ERC2: variants seen among roughly 807,000 people sequenced by gnomAD.
ERC2 encodes the protein ELKS/RAB6-interacting/CAST family member 2.
In ERC2, 42 loss-of-function variants were observed where a neutral mutation model predicts 114.8. The observed-to-expected ratio is 0.37, with a 90% CI of 0.29 to 0.47. The LOEUF is 0.47. ERC2 is among the 20% of genes least tolerant of loss of function. ERC2 has a pLI of 0.99. For synonymous variants in ERC2, 454 were observed against 425.5 expected (o/e 1.07, Z -0.82); for missense variants, 939 against 1,150.7 (o/e 0.82, Z 2.66).
intron 17 of ERC2, among the ~76,000 whole-genome samples, chr3:55,661,014 G>A (rs1304124202): frequency 1.3e-5 from 2 of 152,220 alleles, no homozygotes; most frequent in African/African-American, 2.4e-5. Flanking sequence ...CCCTGCTCCA[G>A]TTGCTAGAAA....
chr3:55,561,582 C>T (rs1382356547), intron 17 of ERC2, among the ~76,000 whole-genome samples: 2 of 152,186 alleles, frequency 1.3e-5, no homozygotes, highest in Non-Finnish European at 2.9e-5. Context: ...AAATTCTCTG[C>T]CCCTAATTTT....
At chr3:56,284,790 A>G (rs2054567408) in intron 3 of ERC2, among the ~76,000 whole-genome samples, 1 of 151,976 alleles carries the variant, frequency 6.6e-6, no homozygotes, top group Admixed American at 6.6e-5. Flanking sequence ...CAAAGTCCCA[A>G]TCTTCCCATG....
intron 7 of ERC2, among the ~76,000 whole-genome samples, chr3:56,076,411 T>A (rs536200117): frequency 2.0e-5 from 3 of 147,550 alleles, no homozygotes; most frequent in Non-Finnish European, 3.0e-5. Flanking sequence ...ACTTTCCAAA[T>A]GTACAATGTC....
intron 2 of ERC2, among the ~76,000 whole-genome samples, chr3:56,429,956 G>C (rs2061722512): frequency 6.6e-6 from 1 of 152,148 alleles, no homozygotes; most frequent in Non-Finnish European, 1.5e-5. Flanking sequence ...CCAAGAAACT[G>C]ATGAGCAGGA....
chr3:55,600,178 T>C (rs918361687), intron 17 of ERC2, among the ~76,000 whole-genome samples: 3 of 152,184 alleles, frequency 2.0e-5, no homozygotes, highest in African/African-American at 7.2e-5. Flanking sequence ...ATATGGGAAT[T>C]ACATAGTGAG....
In ERC2 at chr3:56,062,395, C is replaced by T. The variant is rs571458094; in HGVS notation, c.1641+18422G>A. Among the ~76,000 whole-genome samples, 7 of 152,192 alleles carry T rather than the reference C, an allele frequency of 4.6e-5. No homozygotes were observed. The South Asian group carries it at 1.5e-3, about 32-fold the overall frequency. ...AAACTTACACATTTAAAAGGCTTGG[C>T]CAATTACCATGTATCTATCTGCTCT... On this transcript the variant is annotated intron_variant, in intron 7 of 17. Transcript: ENST00000288221.
At chr3:56,242,942 G>A (rs13065887) in intron 3 of ERC2, among the ~76,000 whole-genome samples, 3 of 152,062 alleles carry the variant, frequency 2.0e-5, no homozygotes, top group Admixed American at 6.6e-5. Flanking sequence ...ATATACATAC[G>A]TTTCACACTT....
At chr3:55,842,757 A>G (rs2061189993) in intron 14 of ERC2, among the ~76,000 whole-genome samples, 1 of 152,132 alleles carries the variant, frequency 6.6e-6, no homozygotes, top group Non-Finnish European at 1.5e-5. Context: ...CAAGAAAGAT[A>G]TGGAAAGGAC....
intron 14 of ERC2, among the ~76,000 whole-genome samples, chr3:55,856,279 C>T (rs1019383140): frequency 2.0e-5 from 3 of 152,126 alleles, no homozygotes; most frequent in Admixed American, 6.6e-5. Context: ...CTTGAGTGAT[C>T]GATCTGCTAG....
intron 7 of ERC2, among the ~76,000 whole-genome samples, chr3:56,044,955 T>C (rs1057498490): frequency 1.3e-5 from 2 of 152,200 alleles, no homozygotes; most frequent in Admixed American, 6.5e-5. Flanking sequence ...CTAAATGTTC[T>C]GTCCCCTACA....
chr3:56,316,699 G>C (rs527612752), intron 2 of ERC2, among the ~76,000 whole-genome samples: 1 of 152,042 alleles, frequency 6.6e-6, no homozygotes, highest in South Asian at 2.1e-4. Flanking sequence ...ATTATGCTGG[G>C]GAAATCTCTT....
intron 2 of ERC2, among the ~76,000 whole-genome samples, chr3:56,384,997 T>G (rs998563887): frequency 2.6e-5 from 4 of 152,110 alleles, no homozygotes; most frequent in Non-Finnish European, 5.9e-5. Flanking sequence ...ATCATATATG[T>G]GACAGTTTAT....
Position 55,952,173 on chromosome 3 carries a change from ACACACACT to A in ERC2, c.2268-1621_2268-1614del, listed in dbSNP as rs1361931056. On this transcript the variant is annotated intron_variant, in intron 12 of 17. Coordinates refer to ENST00000288221, the MANE Select transcript of ERC2 (RefSeq NM_015576.3). ...CACACACACACACACACACACACAC[ACACACACT>A]CTCTCTCTCTCTCTCTCTATATATA... Among the ~76,000 whole-genome samples, 78 of 56,028 alleles carry A rather than the reference ACACACACT, an allele frequency of 1.4e-3. 1 individual carries two copies. The highest frequency in any genetic ancestry group is 3.6e-3 in the South Asian group (5 of 1,378). The allele number at this position is 56,028 out of a possible 152,430, so 36.8% of individuals were successfully genotyped here.
chr3:55,799,091 G>A (rs111941484), intron 14 of ERC2, among the ~76,000 whole-genome samples: 2 of 152,180 alleles, frequency 1.3e-5, no homozygotes, highest in African/African-American at 4.8e-5. Flanking sequence ...GGTCACAGTA[G>A]CAGGGCTAGT....
At chr3:56,238,318 A>G (rs1374597056) in intron 3 of ERC2, among the ~76,000 whole-genome samples, 1 of 152,218 alleles carries the variant, frequency 6.6e-6, no homozygotes, top group Non-Finnish European at 1.5e-5. Flanking sequence ...GATCCCCCAG[A>G]TAACTCTGTT....
At chr3:56,323,456 G>A (rs4974195) in intron 2 of ERC2, among the ~76,000 whole-genome samples, 6 of 152,194 alleles carry the variant, frequency 3.9e-5, no homozygotes, top group Admixed American at 2.0e-4. Flanking sequence ...GACAGAGGCC[G>A]TCTTAAACCT....
intron 17 of ERC2, among the ~76,000 whole-genome samples, chr3:55,637,139 C>T (rs1465432780): frequency 1.3e-5 from 2 of 152,220 alleles, no homozygotes; most frequent in African/African-American, 4.8e-5. Context: ...GAGGCCCTGA[C>T]AGGACAAAGG....
chr3:55,777,076 T>TTA (rs2068678319), intron 14 of ERC2, among the ~76,000 whole-genome samples: 1 of 149,536 alleles, frequency 6.7e-6, no homozygotes, highest in African/African-American at 2.4e-5. Flanking sequence ...TAAAAATACA[T>TTA]AAAAAAAAAA....
intron 9 of ERC2, among the ~76,000 whole-genome samples, chr3:56,008,438 A>T (rs1228357538): frequency 6.6e-6 from 1 of 152,158 alleles, no homozygotes; most frequent in African/African-American, 2.4e-5. Flanking sequence ...CAGGTCTACA[A>T]TTCCAATTTC....
Sources: allele counts gnomAD v4.1 joint callset (sites outside exome capture counted in the v4.1 genomes callset), GRCh38; gene constraint gnomAD v4.1.1; transcripts MANE v1.5; gene names NCBI Gene and HGNC (gene_info 2026-07-23, HGNC 2026-07-21).